PPP1R42: variants seen among roughly 807,000 people sequenced by gnomAD.
PPP1R42 encodes protein phosphatase 1 regulatory subunit 42.
Under a neutral mutation model 31.0 loss-of-function variants are expected in PPP1R42, and 34 were observed. The ratio of observed to expected loss-of-function variants is 1.10; its 90% CI spans 0.83 to 1.46. The LOEUF is 1.46. PPP1R42 is among the 40% of genes most tolerant of loss of function. The pLI is 0.00. For synonymous variants in PPP1R42, 103 were observed against 109.8 expected (o/e 0.94, Z 0.39); for missense variants, 268 against 303.0 (o/e 0.88, Z 0.86).
chr8:66,988,401 C>G lies in PPP1R42; in HGVS notation c.669G>C (p.Leu223=). The change falls in exon 6 of 8, where the codon CTG becomes CTC. Residue 223 remains leucine (L), a splice_region_variant and synonymous_variant. Transcript: ENST00000685739. ...RDRLILVSKS[L]EFLDGKEIKN... Reference sequence around the variant, plus strand: ...AATTATATTAATATAAATATGTACCCAGTGATTTGGACACCAATATCAGTC... The same window carrying G: ...AATTATATTAATATAAATATGTACCGAGTGATTTGGACACCAATATCAGTC... The G allele has an allele frequency of 6.6e-7, 1 of 1,515,632 alleles. No homozygotes were observed. The highest frequency in any genetic ancestry group is 8.8e-7 in the Non-Finnish European group (1 of 1,131,634). 93.9% of individuals were successfully genotyped at this position (1,515,632 alleles called of 1,614,324 possible).
chr8:66,971,171 G>T, intron 7 of PPP1R42: 1 of 1,435,292 alleles, frequency 7.0e-7, no homozygotes, highest in Non-Finnish European at 9.1e-7. Flanking sequence ...AAAGCATTCT[G>T]CTTTGAAATT....
intron 5 of PPP1R42, among the ~76,000 whole-genome samples, chr8:66,995,232 A>G (rs1002108054): frequency 1.3e-5 from 2 of 152,236 alleles, no homozygotes; most frequent in Non-Finnish European, 2.9e-5. Flanking sequence ...TTCTGATGCT[A>G]GGCTTCAACA....
intron 7 of PPP1R42, among the ~76,000 whole-genome samples, chr8:66,976,658 A>C (rs1814685040): frequency 6.7e-6 from 1 of 148,666 alleles, no homozygotes; most frequent in Non-Finnish European, 1.5e-5. Context: ...AACATGCACC[A>C]TTTCACTTTC....
chr8:66,995,095 T>C (rs1276700157), intron 5 of PPP1R42, among the ~76,000 whole-genome samples: 1 of 152,190 alleles, frequency 6.6e-6, no homozygotes, highest in Non-Finnish European at 1.5e-5. Flanking sequence ...TGAGAGATTT[T>C]TTGCCTATAG....
At chr8:66,978,164 G>A (rs1231302288) in intron 7 of PPP1R42, among the ~76,000 whole-genome samples, 3 of 152,114 alleles carry the variant, frequency 2.0e-5, no homozygotes, top group Non-Finnish European at 4.4e-5. Context: ...CACATGGCTG[G>A]GGAGGCCTCA....
At chr8:67,001,433 A>T (rs1414281176) in intron 5 of PPP1R42, among the ~76,000 whole-genome samples, 4 of 148,886 alleles carry the variant, frequency 2.7e-5, no homozygotes, top group Non-Finnish European at 5.9e-5. Flanking sequence ...ATAATTATTA[A>T]TATTAATATT....
chr8:66,977,551 G>A (rs1814713877), intron 7 of PPP1R42, among the ~76,000 whole-genome samples: 1 of 151,956 alleles, frequency 6.6e-6, no homozygotes, highest in African/African-American at 2.4e-5. Flanking sequence ...TGTTTCCCAG[G>A]CTGGAGTGCA....
At position 66,964,352 on chromosome 8, in the gene PPP1R42, GAAAA is replaced by G. The variant is rs548053189; in HGVS notation, c.803-22_803-19del. On this transcript the variant is annotated intron_variant, in intron 7 of 7. Transcript: ENST00000685739. ...AGAGATTCCTGTATTTATAGAGAGGGAAAAAAAAGCATTAAATTAAAAAAATGAA... is the reference window on the plus strand; with the variant it reads ...AGAGATTCCTGTATTTATAGAGAGGGAAAAGCATTAAATTAAAAAAATGAA... 1.6e-6 allele frequency: 2 copies of G among 1,218,552 alleles called. No individual in the cohort carries two copies. Among genetic ancestry groups the G allele is most frequent in the Non-Finnish European group, 2.1e-6 (2 of 956,556 alleles). The allele number at this position is 1,218,552 out of a possible 1,614,324, so 75.5% of individuals were successfully genotyped here.
chr8:67,015,080 G>A (rs1815968024), intron 2 of PPP1R42, among the ~76,000 whole-genome samples: 1 of 151,922 alleles, frequency 6.6e-6, no homozygotes, highest in Admixed American at 6.6e-5. Flanking sequence ...GTGCAGTGAC[G>A]CCATCTCGGC....
At chr8:66,996,767 A>G (rs1815344398) in intron 5 of PPP1R42, among the ~76,000 whole-genome samples, 1 of 152,154 alleles carries the variant, frequency 6.6e-6, no homozygotes, top group Admixed American at 6.6e-5. Flanking sequence ...ATTTTTGTGC[A>G]TGGGGTAAAG....
At chr8:67,013,910 T>C (rs895053299) in intron 3 of PPP1R42, among the ~76,000 whole-genome samples, 2 of 152,216 alleles carry the variant, frequency 1.3e-5, no homozygotes, top group Non-Finnish European at 2.9e-5. Flanking sequence ...TCTGGGGAAA[T>C]TGGATCCACC....
chr8:66,992,614 A>T (rs180901434), intron 5 of PPP1R42, among the ~76,000 whole-genome samples: 2 of 152,236 alleles, frequency 1.3e-5, no homozygotes, highest in East Asian at 3.9e-4. Context: ...CTTTTCTATA[A>T]TCTATGTTTA....
chr8:66,994,317 G>A (rs1319837155), intron 5 of PPP1R42, among the ~76,000 whole-genome samples: 1 of 152,172 alleles, frequency 6.6e-6, no homozygotes, highest in African/African-American at 2.4e-5. Context: ...CCCTCAGTAA[G>A]CTAGGGCATG....
At chr8:67,012,241 AAAAAT>A (rs1815863906) in intron 4 of PPP1R42, among the ~76,000 whole-genome samples, 1 of 152,192 alleles carries the variant, frequency 6.6e-6, no homozygotes, top group Admixed American at 6.5e-5. Context: ...TTTTTAAAAT[AAAAAT>A]AAAATAAAAT....
chr8:66,999,740 T>C (rs772337117), intron 5 of PPP1R42, among the ~76,000 whole-genome samples: 3 of 152,238 alleles, frequency 2.0e-5, no homozygotes, highest in Non-Finnish European at 4.4e-5. Flanking sequence ...GGTTATCTGG[T>C]CTTGGAGTTC....
At chr8:67,012,864 G>A in intron 4 of PPP1R42, 94 bp downstream of exon 4, 1 of 1,202,800 alleles carries the variant, frequency 8.3e-7, no homozygotes, top group Non-Finnish European at 1.1e-6. Context: ...TGAAGAGGAT[G>A]TACAATGTCC....
intron 7 of PPP1R42, among the ~76,000 whole-genome samples, chr8:66,975,326 T>C (rs544024120): frequency 6.6e-6 from 1 of 152,336 alleles, no homozygotes; most frequent in Admixed American, 6.5e-5. Context: ...TCAGATAGTT[T>C]GTTGCTAATT....
In PPP1R42 at chr8:67,013,032, GCT is replaced by G; in HGVS notation, c.359_360del (p.Glu120AlafsTer4). ...GGAAGCCTCTGATTCTCAACATGAA[GCT>G]CTCTTAGTTCTCCTAATCCTTCTAA... ...EGLEGLGELR[E>X]LHVENQRLPL... is the part of the protein sequence containing the mutation. On this transcript the variant is annotated frameshift_variant, in exon 4 of 8. Coordinates refer to ENST00000685739, the MANE Select transcript of PPP1R42 (RefSeq NM_001364910.1). LOFTEE classifies it high-confidence loss of function. The G allele has an allele frequency of 6.2e-7, 1 of 1,612,072 alleles. No homozygotes were observed. Among genetic ancestry groups the G allele is most frequent in the African/African-American group, 1.3e-5 (1 of 75,006 alleles).
chr8:66,984,201 G>C, intron 6 of PPP1R42: 1 of 1,561,678 alleles, frequency 6.4e-7, no homozygotes, highest in Non-Finnish European at 8.8e-7. Context: ...CATGCTTTCT[G>C]AAATGCTCAT....
Sources: allele counts gnomAD v4.1 joint callset (sites outside exome capture counted in the v4.1 genomes callset), GRCh38; gene constraint gnomAD v4.1.1; transcripts MANE v1.5; gene names NCBI Gene and HGNC (gene_info 2026-07-23, HGNC 2026-07-21).